The following SLC22A23 variants were observed in gnomAD, a reference collection of about 807,000 sequenced individuals.
The protein encoded by SLC22A23 is solute carrier family 22 member 23.
A neutral mutation model predicts 61.0 loss-of-function variants in SLC22A23; 26 were observed. The ratio of observed to expected loss-of-function variants is 0.43; its 90% confidence interval spans 0.31 to 0.59. The LOEUF is 0.59. Ranked by LOEUF, SLC22A23 falls within the 20% of genes least tolerant of loss-of-function variation. SLC22A23 has a pLI of 0.11. For synonymous variants in SLC22A23, 430 were observed against 413.9 expected (o/e 1.04, Z -0.47); for missense variants, 796 against 934.7 (o/e 0.85, Z 1.94).
rs1266710053 is a variant in SLC22A23, at chr6:3,390,189, T to C, written c.913+19999A>G. 6.6e-6 allele frequency among the ~76,000 whole-genome samples: 1 copy of C among 152,140 alleles called. No homozygotes were observed. The highest frequency in any genetic ancestry group is 1.5e-5 in the Non-Finnish European group (1 of 68,028). On this transcript the variant is annotated intron_variant, in intron 3 of 9. Coordinates refer to ENST00000406686, the MANE Select transcript of SLC22A23 (RefSeq NM_015482.2). This position sits in a 1 kb window ranked among gnomAD's most constrained non-coding sequence, Gnocchi z 4.0. ...TCTCTCCATAACCTCCAGGCCTATG[T>C]TAAACTTCACATCCAATGACACCGA...
intron 9 of SLC22A23, among the ~76,000 whole-genome samples, chr6:3,280,851 A>C (rs1759409948): frequency 6.6e-6 from 1 of 152,108 alleles, no homozygotes; most frequent in East Asian, 1.9e-4. Flanking sequence ...CCTTAACCCC[A>C]GGTCATCCTG....
intron 1 of SLC22A23, among the ~76,000 whole-genome samples, chr6:3,421,977 C>T (rs573426931): frequency 9.2e-5 from 14 of 152,204 alleles, no homozygotes; most frequent in Non-Finnish European, 1.8e-4. Flanking sequence ...AAATTTTCCC[C>T]CAAGTTTCAT....
chr6:3,305,881 G>T (rs1410002442), intron 4 of SLC22A23, among the ~76,000 whole-genome samples: 1 of 152,220 alleles, frequency 6.6e-6, no homozygotes, highest in Non-Finnish European at 1.5e-5. Flanking sequence ...GAGTGGCTGT[G>T]GCCAGGATGG....
chr6:3,456,624 G>C lies in SLC22A23; in HGVS notation c.-65C>G, dbSNP rs1772423469. 1 of 951,070 alleles carries C rather than the reference G, an allele frequency of 1.1e-6. No homozygotes were observed. The highest frequency in any genetic ancestry group is 6.4e-5 in the Admixed American group (1 of 15,746). The allele number at this position is 951,070 out of a possible 1,614,324, so 58.9% of individuals were successfully genotyped here. ...GGCGGAGGCTCCGCGGGCGCCCCGG[G>C]CACAGCGCGCCGGGCCAGGCGCCTG... On this transcript the variant is annotated 5_prime_UTR_variant, in exon 1 of 10. Transcript: ENST00000406686. This position sits in a 1 kb window ranked among gnomAD's most constrained non-coding sequence, Gnocchi z 7.1.
intron 1 of SLC22A23, among the ~76,000 whole-genome samples, chr6:3,434,090 G>C (rs1249355899): frequency 6.6e-6 from 1 of 152,156 alleles, no homozygotes; most frequent in African/African-American, 2.4e-5. Context: ...CGAGGCGATG[G>C]ATCACCTGGG....
rs145232466 is a variant in SLC22A23 at position 3,445,451 on chromosome 6, C to T, written c.654+10455G>A. 4.0e-4 allele frequency among the ~76,000 whole-genome samples: 61 copies of T among 152,360 alleles called. 1 individual carries two copies. The highest frequency in any genetic ancestry group is 1.1e-3 in the African/African-American group (45 of 41,590). ...CTGACCTCAGGGGATCCACCTGCCT[C>T]GGCCTCCCGAAGTGCTGGGATTACA... On this transcript the variant is annotated intron_variant, in intron 1 of 9. Transcript: ENST00000406686.
At chr6:3,334,249 C>T (rs1763728718) in intron 3 of SLC22A23, among the ~76,000 whole-genome samples, 1 of 152,210 alleles carries the variant, frequency 6.6e-6, no homozygotes, top group African/African-American at 2.4e-5. Context: ...GCAACCTCCA[C>T]TTACTGGGTT....
At chr6:3,434,539 G>A (rs1771078523) in intron 1 of SLC22A23, among the ~76,000 whole-genome samples, 2 of 151,922 alleles carry the variant, frequency 1.3e-5, no homozygotes, top group South Asian at 2.1e-4. Context: ...AATCTGGGAG[G>A]TGGAGGTTGC....
Position 3,394,821 on chromosome 6 carries a change from G to A in SLC22A23, c.913+15367C>T, listed in dbSNP as rs1307061800. On this transcript the variant is annotated intron_variant, in intron 3 of 9. Coordinates refer to ENST00000406686, the MANE Select transcript of SLC22A23 (RefSeq NM_015482.2). Reference sequence around the variant, plus strand: ...TGTCCTCTGTGGAGAGTCACATCCTGTCTGGCCAGGCTCCCTGGTGACAGG... The same window carrying A: ...TGTCCTCTGTGGAGAGTCACATCCTATCTGGCCAGGCTCCCTGGTGACAGG... 3.9e-5 allele frequency among the ~76,000 whole-genome samples: 6 copies of A among 152,310 alleles called. 1 individual carries two copies. The East Asian group carries it at 9.7e-4, about 25-fold the overall frequency.
In SLC22A23 at chr6:3,360,065, T is replaced by C. The variant is rs1765340595; in HGVS notation, c.914-36063A>G. ...TAAATAGGTTCTTAGGTAGGCAAAT[T>C]CATAGAAACAGAAAGTAGAAGGGTG... On this transcript the variant is annotated intron_variant, in intron 3 of 9. Coordinates refer to ENST00000406686, the MANE Select transcript of SLC22A23 (RefSeq NM_015482.2). This position sits in a 1 kb window ranked among gnomAD's most constrained non-coding sequence, Gnocchi z 4.6. Among the ~76,000 whole-genome samples the C allele has an allele frequency of 6.6e-6, 1 of 152,068 alleles. No homozygotes were observed. The highest frequency in any genetic ancestry group is 2.4e-5 in the African/African-American group (1 of 41,392).
chr6:3,397,880 T>C (rs544309255), intron 3 of SLC22A23, among the ~76,000 whole-genome samples: 3 of 152,204 alleles, frequency 2.0e-5, no homozygotes, highest in Non-Finnish European at 4.4e-5. Flanking sequence ...AATGACATAA[T>C]GAGATATGAG....
intron 1 of SLC22A23, among the ~76,000 whole-genome samples, chr6:3,439,977 C>T (rs1771482475): frequency 6.6e-6 from 1 of 151,994 alleles, no homozygotes; most frequent in Non-Finnish European, 1.5e-5. Context: ...AGGCAGAGAC[C>T]GTGAAACCTA....
At chr6:3,416,734 T>C (rs1015395592) in intron 1 of SLC22A23, among the ~76,000 whole-genome samples, 1 of 152,214 alleles carries the variant, frequency 6.6e-6, no homozygotes, top group African/African-American at 2.4e-5. Flanking sequence ...GGGGTCTAGA[T>C]GCCCCTGCTT....
chr6:3,357,964 T>C (rs1011584572), intron 3 of SLC22A23, among the ~76,000 whole-genome samples: 5 of 152,028 alleles, frequency 3.3e-5, no homozygotes, highest in Admixed American at 3.3e-4. Flanking sequence ...TCCTGCCATG[T>C]GGGTGAGGGG....
In SLC22A23 at chr6:3,450,631, T is replaced by A. The variant is rs181179084; in HGVS notation, c.654+5275A>T. On this transcript the variant is annotated intron_variant, in intron 1 of 9. Transcript: ENST00000406686. ...TCAGTTCGGTATTAGGAAAAGAATTTAAGAACTTTTAATAAATCAGCAAAA... is the reference window on the plus strand; with the variant it reads ...TCAGTTCGGTATTAGGAAAAGAATTAAAGAACTTTTAATAAATCAGCAAAA... Among the ~76,000 whole-genome samples, 417 of 152,354 alleles carry A rather than the reference T, an allele frequency of 2.7e-3. 3 individuals are homozygous for A. The highest frequency in any genetic ancestry group is 9.7e-3 in the African/African-American group (404 of 41,592).
At chr6:3,289,008 T>C (rs1470654490) in intron 6 of SLC22A23, among the ~76,000 whole-genome samples, 2 of 152,264 alleles carry the variant, frequency 1.3e-5, no homozygotes, top group Non-Finnish European at 2.9e-5. Context: ...CTTTACCTGG[T>C]GGCAGCTCGA....
At chr6:3,420,843 G>A (rs1354648419) in intron 1 of SLC22A23, among the ~76,000 whole-genome samples, 5 of 152,140 alleles carry the variant, frequency 3.3e-5, no homozygotes, top group East Asian at 1.9e-4. Flanking sequence ...AGTGGCCCAC[G>A]CATATAATCC....
intron 3 of SLC22A23, among the ~76,000 whole-genome samples, chr6:3,404,141 T>C (rs769735508): frequency 2.9e-4 from 44 of 152,248 alleles, no homozygotes; most frequent in Non-Finnish European, 5.3e-4. Context: ...TGGAAAAGCA[T>C]CCAAATACTC....
chr6:3,371,177 G>A (rs879777088), intron 3 of SLC22A23, among the ~76,000 whole-genome samples: 1 of 152,196 alleles, frequency 6.6e-6, no homozygotes, highest in Non-Finnish European at 1.5e-5. Flanking sequence ...TAAATAAGAC[G>A]TTGCTTTCCT....
Sources: gnomAD v4.1 joint callset for allele counts (sites outside exome capture counted in the v4.1 genomes callset) on GRCh38, gnomAD v4.1.1 for gene constraint, Gnocchi (gnomAD v3.1) non-coding constraint, MANE v1.5 for transcripts, NCBI Gene and HGNC (gene_info 2026-07-23, HGNC 2026-07-21) for gene names.